CD109: variants seen among roughly 807,000 people sequenced by gnomAD.
CD109 encodes the protein CD109 molecule, also known as CD109 antigen.
CD109 carries 149 observed loss-of-function variants against 165.8 expected under a neutral mutation model. The ratio of observed to expected loss-of-function variants is 0.90; its 90% CI spans 0.79 to 1.03. The LOEUF is 1.03. CD109 is among the 50% of genes least tolerant of loss of function. The probability of loss-of-function intolerance (pLI) is 0.00; values close to 1 mark genes in which losing one functional copy is unlikely to be tolerated. For synonymous variants in CD109, 585 were observed against 592.1 expected (o/e 0.99, Z 0.18); for missense variants, 1,712 against 1,677.8 (o/e 1.02, Z -0.36).
chr6:73,786,395 A>C, intron 20 of CD109, among the ~76,000 whole-genome samples: 1 of 151,994 alleles, frequency 6.6e-6, no homozygotes, highest in East Asian at 1.9e-4. Context: ...TTTTAATTTA[A>C]ATTTTAATTT....
rs534808011 is a variant in CD109 at position 73,741,092 on chromosome 6, T to C, written c.633+4584T>C. ...TGGGACATCATAAGTTCTCAATATA[T>C]ACATAGACTTTTTTTTTTTTTACAA... On this transcript the variant is annotated intron_variant, in intron 5 of 32. Transcript: ENST00000287097. 2.0e-5 allele frequency among the ~76,000 whole-genome samples: 3 copies of C among 152,132 alleles called. No individual in the cohort carries two copies. In the East Asian group the frequency reaches 5.8e-4, roughly 29 times the overall value.
chr6:73,740,322 G>A (rs1772723522), intron 5 of CD109, among the ~76,000 whole-genome samples: 1 of 152,174 alleles, frequency 6.6e-6, no homozygotes, highest in Non-Finnish European at 1.5e-5. Context: ...ATCAGAAAGT[G>A]GTATTCTTCA....
chr6:73,762,180 C>T (rs190304780), intron 7 of CD109, among the ~76,000 whole-genome samples: 1 of 152,054 alleles, frequency 6.6e-6, no homozygotes, highest in East Asian at 1.9e-4. Flanking sequence ...CCAGGCTGGT[C>T]TTGCACTCCT....
intron 1 of CD109, 41 bp from the exon 2 acceptor site, chr6:73,697,359 G>A (rs761677749): frequency 1.3e-6 from 2 of 1,588,006 alleles, no homozygotes; most frequent in East Asian, 2.2e-5. Flanking sequence ...GGAGATGTGA[G>A]GATAAGAAAC....
intron 29 of CD109, among the ~76,000 whole-genome samples, chr6:73,814,209 A>G (rs1415873744): frequency 6.6e-6 from 1 of 152,016 alleles, no homozygotes; most frequent in Non-Finnish European, 1.5e-5. Context: ...TGTTTTAGGT[A>G]TAAGTTAAAA....
chr6:73,693,698 G>T (rs2150139093), upstream of CD109, among the ~76,000 whole-genome samples: 4 of 152,092 alleles, frequency 2.6e-5, no homozygotes, highest in South Asian at 8.3e-4. Flanking sequence ...TTACAGGTAT[G>T]TGCCACCATG....
At chr6:73,714,149 G>T (rs549042942) in intron 2 of CD109, among the ~76,000 whole-genome samples, 19 of 152,320 alleles carry the variant, frequency 1.2e-4, no homozygotes, top group African/African-American at 4.6e-4. Context: ...TCCAATGTGG[G>T]ACATTGTGGT....
intron 22 of CD109, among the ~76,000 whole-genome samples, chr6:73,791,134 TAC>T (rs573195220): frequency 0.097 from 7,341 of 75,532 alleles, 463 homozygotes; most frequent in East Asian, 0.14. Flanking sequence ...TATACATACA[TAC>T]ATATATATAT....
At chr6:73,807,536 G>C (rs1775610381) in intron 25 of CD109, among the ~76,000 whole-genome samples, 1 of 152,152 alleles carries the variant, frequency 6.6e-6, no homozygotes, top group African/African-American at 2.4e-5. Context: ...TGGATGCCTG[G>C]ATGAGAATGA....
intron 6 of CD109, among the ~76,000 whole-genome samples, 178 bp downstream of exon 6, chr6:73,756,860 T>G (rs1416661191): frequency 6.6e-6 from 1 of 152,036 alleles, no homozygotes; most frequent in Non-Finnish European, 1.5e-5. Context: ...AAAATCTCAT[T>G]ATACAGAAAA....
intron 10 of CD109, among the ~76,000 whole-genome samples, chr6:73,765,048 T>C (rs542831945): frequency 6.6e-6 from 1 of 152,190 alleles, no homozygotes; most frequent in East Asian, 1.9e-4. Context: ...TGGGGGTTAC[T>C]ATGGGATGCT....
At chr6:73,690,431 C>T in the CD109 span, among the ~76,000 whole-genome samples, 1 of 152,082 alleles carries the variant, frequency 6.6e-6, no homozygotes, top group Non-Finnish European at 1.5e-5. Flanking sequence ...GACGGAGTTT[C>T]GCTCTTGTTG....
At chr6:73,693,886 CTTTTCTTTTT>C, upstream of CD109, 1 of 150,904 alleles carries the variant, frequency 6.6e-6, no homozygotes, top group Non-Finnish European at 1.5e-5. Context: ...TCTTTCTTTT[CTTTTCTTTTT>C]TTTTTTGAGA....
Position 73,761,960 on chromosome 6 carries a change from A to G in CD109, c.759-424A>G, listed in dbSNP as rs531505898. Among the ~76,000 whole-genome samples, 5 of 149,394 alleles carry G rather than the reference A, an allele frequency of 3.3e-5. No individual in the cohort carries two copies. The East Asian group carries it at 7.9e-4, about 24-fold the overall frequency. Reference sequence around the variant, plus strand: ...CCATCCCATAATGTATTTTTTTTTAATTTATTTATTTTGAGACAGAGTCTT... The same window carrying G: ...CCATCCCATAATGTATTTTTTTTTAGTTTATTTATTTTGAGACAGAGTCTT... On this transcript the variant is annotated intron_variant, in intron 7 of 32. Coordinates refer to ENST00000287097, the MANE Select transcript of CD109 (RefSeq NM_133493.5).
At chr6:73,705,960 G>A (rs559385781) in intron 2 of CD109, among the ~76,000 whole-genome samples, 1 of 152,246 alleles carries the variant, frequency 6.6e-6, no homozygotes, top group African/African-American at 2.4e-5. Context: ...ACATTAGAAA[G>A]GTGAAAGTGG....
chr6:73,801,715 T>A (rs570066507), intron 23 of CD109, among the ~76,000 whole-genome samples: 2 of 152,348 alleles, frequency 1.3e-5, no homozygotes, highest in East Asian at 3.9e-4. Flanking sequence ...ATTTTACTTA[T>A]AGTTCTGGAT....
In CD109 at chr6:73,811,107, T is replaced by C. The variant is rs757637228; in HGVS notation, c.3662T>C (p.Leu1221Pro). The C allele has an allele frequency of 1.2e-6, 2 of 1,613,340 alleles. No individual in the cohort carries two copies. Among genetic ancestry groups the C allele is most frequent in the Admixed American group, 3.3e-5 (2 of 59,884 alleles). Residue 1221 changes from leucine (L) to proline (P), a missense_variant, in exon 28 of 33, where the codon CTG (leucine) becomes CCG (proline). Transcript: ENST00000287097. The part of the protein sequence containing the change: ...GPSSPSPVKF[L>P]IDTHNRLLLQ... ...AGCTCACCAAGTCCTGTAAAGTTTCTGATTGACACACACAACCGCTTACTC... is the reference window on the plus strand; with the variant it reads ...AGCTCACCAAGTCCTGTAAAGTTTCCGATTGACACACACAACCGCTTACTC...
intron 4 of CD109, among the ~76,000 whole-genome samples, chr6:73,734,116 A>G (rs1265790548): frequency 6.6e-6 from 1 of 152,182 alleles, no homozygotes; most frequent in African/African-American, 2.4e-5. Flanking sequence ...GCTGGTTCAA[A>G]TCCTGATGTG....
intron 5 of CD109, among the ~76,000 whole-genome samples, chr6:73,740,591 T>C (rs1391100236): frequency 6.7e-6 from 1 of 148,438 alleles, no homozygotes; most frequent in Non-Finnish European, 1.5e-5. Flanking sequence ...TCTAGTTTTC[T>C]TTTCTTTCTT....
Sources: allele counts gnomAD v4.1 joint callset (sites outside exome capture counted in the v4.1 genomes callset), GRCh38; gene constraint gnomAD v4.1.1; transcripts MANE v1.5; gene names NCBI Gene and HGNC (gene_info 2026-07-23, HGNC 2026-07-21).